SLC36A1: variants seen among roughly 807,000 people sequenced by gnomAD.
The protein encoded by SLC36A1 is proton-coupled amino acid transporter 1.
A neutral mutation model predicts 47.5 loss-of-function variants in SLC36A1; 30 were observed. That is an observed-to-expected ratio of 0.63 (90% CI 0.47 to 0.86). SLC36A1 has a LOEUF of 0.86. Ranked by LOEUF, SLC36A1 falls within the 40% of genes least tolerant of loss-of-function variation. The pLI is 0.00. For missense variants in SLC36A1, 517 were observed against 606.0 expected (o/e 0.85, Z 1.54); for synonymous variants, 255 against 249.7 (o/e 1.02, Z -0.20).
At chr5:151,433,313 C>T (rs369908219), upstream of SLC36A1, among the ~76,000 whole-genome samples, 42 of 70,188 alleles carry the variant, frequency 6.0e-4, no homozygotes, top group African/African-American at 2.1e-3. Flanking sequence ...GACGGAGTTT[C>T]ACTCTTGTTG....
downstream of SLC36A1, among the ~76,000 whole-genome samples, chr5:151,496,135 G>C (rs946079979): frequency 6.6e-6 from 1 of 152,130 alleles, no homozygotes; most frequent in African/African-American, 2.4e-5. Flanking sequence ...ATTTGTGGGG[G>C]CATGTCTTTC....
At chr5:151,503,094 G>C in the SLC36A1 span, among the ~76,000 whole-genome samples, 2 of 148,020 alleles carry the variant, frequency 1.4e-5, no homozygotes, top group African/African-American at 5.3e-5. Flanking sequence ...GGAAGAGTAG[G>C]AAGAGCACAG....
chr5:151,347,526 A>G, the SLC36A1 span: 1 of 1,594,480 alleles, frequency 6.3e-7, no homozygotes, highest in African/African-American at 1.3e-5. Flanking sequence ...GGAAGCAGGA[A>G]GGTGTCTAGT....
At chr5:151,454,897 A>G (rs1754265565) in intron 1 of SLC36A1, among the ~76,000 whole-genome samples, 1 of 152,048 alleles carries the variant, frequency 6.6e-6, no homozygotes, top group Admixed American at 6.5e-5. Context: ...TATTTTTAGT[A>G]GAGACGGCTT....
chr5:151,555,933 G>A, the SLC36A1 span, among the ~76,000 whole-genome samples: 4 of 152,156 alleles, frequency 2.6e-5, no homozygotes, highest in Non-Finnish European at 5.9e-5. Context: ...TGATTTTAGA[G>A]GCATCCTAGA....
At chr5:151,546,156 G>A in the SLC36A1 span, 1 of 1,613,942 alleles carries the variant, frequency 6.2e-7, no homozygotes, top group African/African-American at 1.3e-5. Context: ...AAAAGATGGG[G>A]GCACTCCTAT....
At chr5:151,552,703 T>A in the SLC36A1 span, among the ~76,000 whole-genome samples, 6 of 152,172 alleles carry the variant, frequency 3.9e-5, no homozygotes, top group Non-Finnish European at 8.8e-5. Context: ...GAGAAGGCCA[T>A]CAGAGCCCGG....
At chr5:151,531,516 CAG>C in the SLC36A1 span, 94 of 1,586,282 alleles carry the variant, frequency 5.9e-5, 2 homozygotes, top group South Asian at 1.1e-3. This position sits in a 1 kb window ranked among gnomAD's most constrained non-coding sequence, Gnocchi z 5.7. Context: ...GATACCCACA[CAG>C]GGGAGGAACC....
chr5:151,358,574 A>G, the SLC36A1 span, among the ~76,000 whole-genome samples: 1 of 152,180 alleles, frequency 6.6e-6, no homozygotes, highest in Non-Finnish European at 1.5e-5. Flanking sequence ...CTTGTTGTAC[A>G]TGTTTCCTGA....
chr5:151,430,143 C>G, the SLC36A1 span, among the ~76,000 whole-genome samples: 1 of 150,462 alleles, frequency 6.6e-6, no homozygotes, highest in African/African-American at 2.4e-5. Flanking sequence ...TAGTCTGAGT[C>G]AGGCTAGAAT....
the SLC36A1 span, chr5:151,510,897 G>A: frequency 5.9e-5 from 9 of 152,382 alleles, no homozygotes; most frequent in Non-Finnish European, 8.8e-5. Flanking sequence ...ACACCAGGGT[G>A]GGCCAGCCTG....
chr5:151,513,084 G>C, the SLC36A1 span, among the ~76,000 whole-genome samples: 1 of 152,188 alleles, frequency 6.6e-6, no homozygotes, highest in Non-Finnish European at 1.5e-5. Flanking sequence ...CCTAAGAGTT[G>C]ATTTGCCTTT....
chr5:151,447,543 GC>G (rs1753004531), upstream of SLC36A1: 1 of 152,334 alleles, frequency 6.6e-6, no homozygotes, highest in African/African-American at 2.4e-5. Flanking sequence ...GAAAAAAGGC[GC>G]GGCCGCTCAA....
the SLC36A1 span, chr5:151,381,217 C>T: frequency 1.7e-5 from 6 of 346,646 alleles, no homozygotes; most frequent in Non-Finnish European, 2.9e-5. Flanking sequence ...ATGCCTCCTC[C>T]TCAGGAATGA....
At chr5:151,432,694 A>G (rs60917751), upstream of SLC36A1, among the ~76,000 whole-genome samples, 21,874 of 152,122 alleles carry the variant, frequency 0.14, 2,118 homozygotes, top group East Asian at 0.38. Context: ...TTTAAATGCA[A>G]TTTTCTCTGG....
intron 9 of SLC36A1, among the ~76,000 whole-genome samples, chr5:151,478,362 C>T (rs1758358504): frequency 6.6e-6 from 1 of 152,144 alleles, no homozygotes; most frequent in Non-Finnish European, 1.5e-5. Flanking sequence ...GACTGTTTTC[C>T]TACTCTGTGC....
At chr5:151,386,188 CT>C in the SLC36A1 span, among the ~76,000 whole-genome samples, 1 of 151,966 alleles carries the variant, frequency 6.6e-6, no homozygotes, top group Non-Finnish European at 1.5e-5. Context: ...CCTTCTGTAT[CT>C]TTTTGGCTTT....
At chr5:151,480,302 G>T (rs1157902470) in intron 10 of SLC36A1, among the ~76,000 whole-genome samples, 1 of 151,770 alleles carries the variant, frequency 6.6e-6, no homozygotes, top group Non-Finnish European at 1.5e-5. Context: ...CTCTTTTTAG[G>T]TTTTATTATT....
the SLC36A1 span, among the ~76,000 whole-genome samples, chr5:151,420,408 C>T: frequency 2.0e-5 from 3 of 152,114 alleles, no homozygotes; most frequent in Non-Finnish European, 4.4e-5. Context: ...CAGGACCTGA[C>T]CCTAGGCCTC....
Sources: gnomAD v4.1 joint callset for allele counts (sites outside exome capture counted in the v4.1 genomes callset) on GRCh38, gnomAD v4.1.1 for gene constraint, Gnocchi (gnomAD v3.1) non-coding constraint, MANE v1.5 for transcripts, NCBI Gene and HGNC (gene_info 2026-07-23, HGNC 2026-07-21) for gene names.